The following RALGPS1 variants were observed in gnomAD, a reference collection of about 807,000 sequenced individuals.
The protein encoded by RALGPS1 is ras-specific guanine nucleotide-releasing factor RalGPS1.
A neutral mutation model predicts 78.8 loss-of-function variants in RALGPS1; 19 were observed. The observed-to-expected ratio is 0.24, with a 90% CI of 0.17 to 0.35. The LOEUF (loss-of-function observed/expected upper bound fraction) is 0.35, where lower values mean the gene tolerates loss of function less well. Among genes scored for constraint, RALGPS1 ranks in the 10% least tolerant of loss-of-function variants. The pLI is 1.00. For missense variants in RALGPS1, 454 were observed against 688.3 expected (o/e 0.66, Z 3.81); for synonymous variants, 228 against 256.3 (o/e 0.89, Z 1.06).
intron 8 of RALGPS1, among the ~76,000 whole-genome samples, chr9:127,086,833 A>T (rs1160229326): frequency 3.3e-5 from 5 of 152,128 alleles, no homozygotes; most frequent in Non-Finnish European, 7.4e-5. Context: ...CTAGGGTGGA[A>T]ATTGGACTGG....
chr9:127,056,208 C>T (rs899144985), intron 7 of RALGPS1, among the ~76,000 whole-genome samples: 19 of 152,224 alleles, frequency 1.2e-4, no homozygotes, highest in African/African-American at 4.1e-4. Context: ...AGGGAAACAA[C>T]ATGTCCCTGT....
chr9:127,089,410 C>T (rs906905618), intron 8 of RALGPS1, among the ~76,000 whole-genome samples: 2 of 152,284 alleles, frequency 1.3e-5, no homozygotes, highest in African/African-American at 2.4e-5. Flanking sequence ...ATAAAAATGA[C>T]GCCTGCCGCA....
chr9:127,126,906 A>C (rs889138225), intron 8 of RALGPS1, among the ~76,000 whole-genome samples: 1 of 152,064 alleles, frequency 6.6e-6, no homozygotes, highest in African/African-American at 2.4e-5. Flanking sequence ...CATGTCTATA[A>C]TTTTTTATTG....
intron 1 of RALGPS1, among the ~76,000 whole-genome samples, chr9:126,957,081 T>G (rs2038415558): frequency 6.6e-6 from 1 of 152,196 alleles, no homozygotes; most frequent in Non-Finnish European, 1.5e-5. Flanking sequence ...ATGGGGCTGT[T>G]GTGACGATTA....
rs116360349 is a variant in RALGPS1, at chr9:127,146,863, G to T, written c.611-19206G>T. Among the ~76,000 whole-genome samples, 659 of 152,288 alleles carry T rather than the reference G, an allele frequency of 4.3e-3. 7 individuals carry two copies. The highest frequency in any genetic ancestry group is 0.015 in the African/African-American group (634 of 41,570). ...CCAGCCTGAATGTGTCTTTTTGATA[G>T]AAATGATTTATTTTCCTTTAGGCAT... On this transcript the variant is annotated intron_variant, in intron 8 of 18. Coordinates refer to ENST00000259351, the MANE Select transcript of RALGPS1 (RefSeq NM_014636.3).
intron 1 of RALGPS1, among the ~76,000 whole-genome samples, chr9:126,958,140 A>ATATAT (rs1181506015): frequency 5.0e-5 from 4 of 79,892 alleles, no homozygotes; most frequent in African/African-American, 1.4e-4. Context: ...AAAAAAAAAA[A>ATATAT]AAATATATAT....
At chr9:127,216,992 C>T (rs1202160841) in intron 18 of RALGPS1, 4 of 1,538,828 alleles carry the variant, frequency 2.6e-6, no homozygotes, top group African/African-American at 2.8e-5. Flanking sequence ...AGGCAGGGCC[C>T]TGTGCCTGAA....
intron 4 of RALGPS1, among the ~76,000 whole-genome samples, chr9:127,014,861 A>G (rs1041495240): frequency 6.6e-6 from 1 of 152,148 alleles, no homozygotes; most frequent in South Asian, 2.1e-4. Context: ...ACCTTTGCTT[A>G]TTAAGAGATG....
At chr9:127,129,376 T>C (rs1588071500) in intron 8 of RALGPS1, among the ~76,000 whole-genome samples, 2 of 152,222 alleles carry the variant, frequency 1.3e-5, no homozygotes, top group East Asian at 3.8e-4. Context: ...TGGAACATTG[T>C]CTGTGCCAGA....
intron 1 of RALGPS1, among the ~76,000 whole-genome samples, chr9:126,955,630 A>G (rs1450879618): frequency 1.3e-5 from 2 of 152,164 alleles, no homozygotes; most frequent in Admixed American, 6.5e-5. Context: ...ACAATTTAAT[A>G]TATTTTAATA....
chr9:126,998,683 A>T (rs1449587022), intron 4 of RALGPS1, among the ~76,000 whole-genome samples: 3 of 152,200 alleles, frequency 2.0e-5, no homozygotes, highest in Non-Finnish European at 4.4e-5. Flanking sequence ...TACCCAAAGG[A>T]CTATAAATCA....
chr9:127,176,781 G>C (rs2059903708), intron 11 of RALGPS1, among the ~76,000 whole-genome samples: 1 of 152,218 alleles, frequency 6.6e-6, no homozygotes, highest in Non-Finnish European at 1.5e-5. Context: ...TGAGCAGGGA[G>C]AGGTGGGAGA....
chr9:127,020,985 C>T (rs76932482), intron 4 of RALGPS1, among the ~76,000 whole-genome samples: 1 of 152,134 alleles, frequency 6.6e-6, no homozygotes, highest in African/African-American at 2.4e-5. Flanking sequence ...TGACATTGTG[C>T]CTGACACTTA....
intron 1 of RALGPS1, among the ~76,000 whole-genome samples, chr9:126,944,358 G>A (rs1396458719): frequency 6.6e-6 from 1 of 151,772 alleles, no homozygotes; most frequent in Non-Finnish European, 1.5e-5. Context: ...CTCTGCCTTT[G>A]GCAGGATCTA....
At chr9:127,169,641 G>A (rs1203535420) in intron 10 of RALGPS1, among the ~76,000 whole-genome samples, 1 of 152,038 alleles carries the variant, frequency 6.6e-6, no homozygotes, top group Non-Finnish European at 1.5e-5. Flanking sequence ...ATTCACAGAT[G>A]GTCCCCAACT....
intron 7 of RALGPS1, among the ~76,000 whole-genome samples, chr9:127,065,757 T>C (rs2789513): frequency 0.024 from 3,592 of 152,300 alleles, 47 homozygotes; most frequent in Middle Eastern, 0.048. Flanking sequence ...CTGCTATTCA[T>C]TGGTCATCCT....
intron 1 of RALGPS1, among the ~76,000 whole-genome samples, chr9:126,955,923 T>G (rs542811223): frequency 5.5e-4 from 84 of 152,358 alleles, no homozygotes; most frequent in African/African-American, 2.0e-3. Context: ...CTACTCTAAC[T>G]GCCTGATGCT....
At chr9:127,048,760 G>A (rs973487280) in intron 5 of RALGPS1, among the ~76,000 whole-genome samples, 9 of 152,242 alleles carry the variant, frequency 5.9e-5, no homozygotes, top group Admixed American at 2.0e-4. Flanking sequence ...ATCCCATTTG[G>A]TATTTAGAAA....
chr9:127,071,039 C>A (rs2789515), intron 8 of RALGPS1, among the ~76,000 whole-genome samples: 111,850 of 147,284 alleles, frequency 0.76, 43,103 homozygotes, highest in African/African-American at 0.83. Context: ...CTCTCTCTCT[C>A]TATATATATA....
Sources: allele counts gnomAD v4.1 joint callset (sites outside exome capture counted in the v4.1 genomes callset), GRCh38; gene constraint gnomAD v4.1.1; transcripts MANE v1.5; gene names NCBI Gene and HGNC (gene_info 2026-07-23, HGNC 2026-07-21).